Variants in TICRR observed in about 807,000 individuals in gnomAD.
The protein encoded by TICRR is treslin.
Under a neutral mutation model 178.1 loss-of-function variants are expected in TICRR, and 132 were observed. The ratio of observed to expected loss-of-function variants is 0.74; its 90% confidence interval spans 0.64 to 0.86. The LOEUF is 0.86. Ranked by LOEUF, TICRR falls within the 40% of genes least tolerant of loss-of-function variation. The probability of loss-of-function intolerance (pLI) is 0.00; values close to 1 mark genes in which losing one functional copy is unlikely to be tolerated. For synonymous variants in TICRR, 991 were observed against 900.7 expected (o/e 1.10, Z -1.79); for missense variants, 2,587 against 2,334.3 (o/e 1.11, Z -2.23).
chr15:89,626,963 T>C lies in TICRR; in HGVS notation c.5610T>C (p.Asp1870=), dbSNP rs2141988170. ...SSQSKDPRDE[D]VDVLPSTVED... ...CTTTCTACCTTCTTCTAGATGAGGA[T>C]GTGGATGTTCTTCCCTCCACTGTAG... The change falls in exon 22 of 22, where the codon GAT becomes GAC. Residue 1870 remains aspartate (D), a synonymous_variant. Transcript: ENST00000268138. 6.2e-7 allele frequency: 1 copy of C among 1,614,054 alleles called. No homozygotes were observed. The highest frequency in any genetic ancestry group is 8.5e-7 in the Non-Finnish European group (1 of 1,179,952).
In TICRR at chr15:89,624,184, C is replaced by T. The variant is rs747524675; in HGVS notation, c.3874C>T (p.Pro1292Ser). The change falls in exon 20 of 22, where the codon CCA (proline) becomes TCA (serine). Residue 1292 changes from proline to serine, a missense_variant. Coordinates refer to ENST00000268138, the MANE Select transcript of TICRR (RefSeq NM_152259.4). Reference protein sequence around the residue: ...QKLKDKAIKTPKRPGNSTVTS... With the variant: ...QKLKDKAIKTSKRPGNSTVTS... ...ACTAAAGGATAAAGCTATCAAAACTCCAAAAAGACCAGGGAATTCAACTGT... is the reference window on the plus strand; with the variant it reads ...ACTAAAGGATAAAGCTATCAAAACTTCAAAAAGACCAGGGAATTCAACTGT... 6.2e-7 allele frequency: 1 copy of T among 1,614,098 alleles called. No individual in the cohort carries two copies. The highest frequency in any genetic ancestry group is 1.1e-5 in the South Asian group (1 of 91,080).
chr15:89,579,809 A>C (rs1962691196), intron 1 of TICRR: 1 of 152,074 alleles, frequency 6.6e-6, no homozygotes, highest in South Asian at 2.1e-4. Context: ...GACTCTGCAG[A>C]GTCCCCACCA....
At chr15:89,592,021 C>A (rs769118214) in intron 4 of TICRR, 26 bp from the exon 5 acceptor site, 1 of 1,591,364 alleles carries the variant, frequency 6.3e-7, no homozygotes, top group Admixed American at 1.7e-5. Context: ...GTTTCCTCTC[C>A]TGCCGCTGCT....
chr15:89,604,819 A>G (rs1052469728), intron 13 of TICRR, among the ~76,000 whole-genome samples: 2 of 151,498 alleles, frequency 1.3e-5, no homozygotes, highest in Admixed American at 6.6e-5. Flanking sequence ...GTGGTTAGTA[A>G]TGTTTTTTCA....
chr15:89,601,904 G>T lies in TICRR; in HGVS notation c.2495G>T (p.Arg832Leu). 1.2e-6 allele frequency: 2 copies of T among 1,614,074 alleles called. No homozygotes were observed. The highest frequency in any genetic ancestry group is 2.2e-5 in the East Asian group (1 of 44,880). Residue 832 changes from arginine to leucine, a missense_variant, in exon 12 of 22, where the codon CGT (arginine) becomes CTT (leucine). By Grantham distance (102) the Arg-to-Leu change is moderately radical (BLOSUM62 -2). Transcript: ENST00000268138. Reference protein sequence around the residue: ...LLSVPFLSSARRSVSGSPESD... With the variant: ...LLSVPFLSSALRSVSGSPESD... ...TCTGTGCCTTTTTTGTCAAGTGCTC[G>T]TAGATCAGTGTCAGGCAGCCCTGAA...
intron 3 of TICRR, 109 bp downstream of exon 3, chr15:89,584,636 A>T: frequency 8.9e-7 from 1 of 1,120,964 alleles, no homozygotes; most frequent in Non-Finnish European, 1.2e-6. Context: ...AAAACTGATT[A>T]TGCTTTTGCA....
In TICRR at chr15:89,576,249, G is replaced by A. The variant is rs753348868; in HGVS notation, c.654+9G>A. 11 of 1,533,886 alleles carry A rather than the reference G, an allele frequency of 7.2e-6. No individual in the cohort carries two copies. The highest frequency in any genetic ancestry group is 8.7e-6 in the Non-Finnish European group (10 of 1,145,660). ...CCACCGAATGGTCTAAGGTAAGGAA[G>A]GTTACTGTCGTCTCAGATGGCGTGC... On this transcript the variant is annotated intron_variant, in intron 1 of 21. Transcript: ENST00000268138.
At chr15:89,584,965 A>T (rs892630928) in intron 3 of TICRR, among the ~76,000 whole-genome samples, 1 of 152,260 alleles carries the variant, frequency 6.6e-6, no homozygotes, top group Non-Finnish European at 1.5e-5. Flanking sequence ...GTAACTCAGC[A>T]GTTGGACAGT....
In TICRR at chr15:89,594,463, A is replaced by G; in HGVS notation, c.1590A>G (p.Glu530=). Reference sequence around the variant, plus strand: ...ATAAGGAAGAGTCTTCCAAAACTGAAGGCGAATTAATACATTGCCTTGCCG... The same window carrying G: ...ATAAGGAAGAGTCTTCCAAAACTGAGGGCGAATTAATACATTGCCTTGCCG... ...SANKEESSKT[E]GELIHCLAEL... is the part of the protein sequence containing the mutation. Residue 530 remains glutamate (E), a synonymous_variant, in exon 6 of 22, where the codon GAA becomes GAG. Coordinates refer to ENST00000268138, the MANE Select transcript of TICRR (RefSeq NM_152259.4). 6.2e-7 allele frequency: 1 copy of G among 1,613,334 alleles called. No individual in the cohort carries two copies. The highest frequency in any genetic ancestry group is 8.5e-7 in the Non-Finnish European group (1 of 1,179,616).
At chr15:89,613,654 A>G (rs1009000786) in intron 15 of TICRR, among the ~76,000 whole-genome samples, 1 of 150,920 alleles carries the variant, frequency 6.6e-6, no homozygotes, top group Non-Finnish European at 1.5e-5. Context: ...CCTTGTCTTC[A>G]AATTTGTTGA....
chr15:89,616,919 T>C (rs1243033379), intron 16 of TICRR, among the ~76,000 whole-genome samples: 6 of 152,244 alleles, frequency 3.9e-5, no homozygotes. Flanking sequence ...GAAAGTTTTC[T>C]GTCTTGCTTG....
chr15:89,584,409 C>G lies in TICRR; in HGVS notation c.1058C>G (p.Thr353Arg), dbSNP rs746440485. ...TCAGTGGCCCAGTGGTCTCTCCCAA[C>G]GAGCAGCACTTTGGGCACTGACAGC... ...KGSVAQWSLPTSSTLGTDSWM... is the reference protein window; with the variant it reads ...KGSVAQWSLPRSSTLGTDSWM... Residue 353 changes from threonine to arginine, a missense_variant, in exon 3 of 22, where the codon ACG becomes AGG. By Grantham distance (71) the Thr-to-Arg change is moderately conservative. Transcript: ENST00000268138. The G allele has an allele frequency of 9.9e-6, 16 of 1,614,026 alleles. No homozygotes were observed. The South Asian group carries it at 1.1e-4, about 11-fold the overall frequency.
At position 89,624,733 on chromosome 15, in the gene TICRR, A is replaced by T. The variant is rs575254770; in HGVS notation, c.4423A>T (p.Ile1475Phe). ...TLLSEAEHHG[I>F]GDLKSNVLSV... ...CCTCAGTGAAGCCGAACACCATGGC[A>T]TTGGTGACTTGAAAAGTAACGTCTT... Residue 1475 changes from isoleucine to phenylalanine, a missense_variant, in exon 20 of 22, where the codon ATT becomes TTT. Ile to Phe is a conservative substitution (Grantham distance 21, BLOSUM62 0). Coordinates refer to ENST00000268138, the MANE Select transcript of TICRR (RefSeq NM_152259.4). 188 of 1,614,162 alleles carry T rather than the reference A, an allele frequency of 1.2e-4. 3 individuals carry two copies. The South Asian group carries it at 2.0e-3, about 17-fold the overall frequency.
At chr15:89,597,982 G>C (rs1963026173) in intron 7 of TICRR, among the ~76,000 whole-genome samples, 1 of 151,900 alleles carries the variant, frequency 6.6e-6, no homozygotes, top group African/African-American at 2.4e-5. Flanking sequence ...TTCATATTTA[G>C]GGGGGGTGCT....
At position 89,595,614 on chromosome 15, in the gene TICRR, A is replaced by G. The variant is rs1962984506; in HGVS notation, c.1900+3A>G. On this transcript the variant is annotated splice_donor_region_variant and intron_variant, in intron 7 of 21. Coordinates refer to ENST00000268138, the MANE Select transcript of TICRR (RefSeq NM_152259.4). ...ACTAAGAAGTTCTAAACCTAAAGGTATTCCTCTTAGTCTATAATTTACTCT... is the reference window on the plus strand; with the variant it reads ...ACTAAGAAGTTCTAAACCTAAAGGTGTTCCTCTTAGTCTATAATTTACTCT... The G allele has an allele frequency of 6.2e-7, 1 of 1,609,516 alleles. No homozygotes were observed. Among genetic ancestry groups the G allele is most frequent in the South Asian group, 1.1e-5 (1 of 90,902 alleles).
At chr15:89,599,178 C>CCCCCCCA in intron 7 of TICRR, 146 bp from the exon 8 acceptor site, 3 of 586,546 alleles carry the variant, frequency 5.1e-6, no homozygotes, top group Non-Finnish European at 8.5e-6. Flanking sequence ...CCACCCCCGC[C>CCCCCCCA]CCCACCACCA....
At chr15:89,609,633 C>T (rs1567048041) in intron 15 of TICRR, among the ~76,000 whole-genome samples, 4 of 151,982 alleles carry the variant, frequency 2.6e-5, no homozygotes. Flanking sequence ...CACCACCACA[C>T]CCGGCTAATT....
chr15:89,587,303 G>C (rs577107359), intron 4 of TICRR, among the ~76,000 whole-genome samples: 2 of 152,246 alleles, frequency 1.3e-5, no homozygotes, highest in South Asian at 2.1e-4. Flanking sequence ...TTGTTCATTA[G>C]ACATCCACAC....
intron 3 of TICRR, 23 bp from the exon 4 acceptor site, chr15:89,585,685 A>G: frequency 6.5e-7 from 1 of 1,548,346 alleles, no homozygotes; most frequent in Middle Eastern, 1.7e-4. Flanking sequence ...AATATTCTCA[A>G]CTAATTAGGG....
Sources: gnomAD v4.1 joint callset for allele counts (sites outside exome capture counted in the v4.1 genomes callset) on GRCh38, gnomAD v4.1.1 for gene constraint, MANE v1.5 for transcripts, NCBI Gene and HGNC (gene_info 2026-07-23, HGNC 2026-07-21) for gene names.